PDZRN4: variants seen among roughly 807,000 people sequenced by gnomAD.
The protein encoded by PDZRN4 is PDZ domain containing ring finger 4.
In PDZRN4, 70 loss-of-function variants were observed where a neutral mutation model predicts 99.0. The observed-to-expected ratio is 0.71, with a 90% confidence interval of 0.58 to 0.86. The LOEUF (loss-of-function observed/expected upper bound fraction) is 0.86, where lower values mean the gene tolerates loss of function less well. Among genes scored for constraint, PDZRN4 ranks in the 40% least tolerant of loss-of-function variants. PDZRN4 has a pLI of 0.00. For missense variants in PDZRN4, 1,474 were observed against 1,331.2 expected, an observed-to-expected ratio of 1.11 and a Z score of -1.67; for synonymous variants, 551 against 501.6, an observed-to-expected ratio of 1.10 and a Z score of -1.32.
intron 3 of PDZRN4, among the ~76,000 whole-genome samples, chr12:41,327,905 T>C (rs929236984): frequency 1.3e-5 from 2 of 152,184 alleles, no homozygotes; most frequent in Non-Finnish European, 2.9e-5. Flanking sequence ...CACATACTTA[T>C]GCATTCAAAT....
chr12:41,427,913 C>A (rs1164759436), intron 3 of PDZRN4, among the ~76,000 whole-genome samples: 1 of 152,094 alleles, frequency 6.6e-6, no homozygotes, highest in Non-Finnish European at 1.5e-5. Context: ...CATGGTGAAA[C>A]CCTGTCTCTA....
intron 3 of PDZRN4, among the ~76,000 whole-genome samples, chr12:41,212,877 GC>G (rs1405447195): frequency 6.6e-6 from 1 of 151,984 alleles, no homozygotes; most frequent in Non-Finnish European, 1.5e-5. Context: ...ATGAGTATGT[GC>G]GGAAGCTCTG....
chr12:41,539,168 A>C (rs1286403665), intron 5 of PDZRN4, among the ~76,000 whole-genome samples: 1 of 151,900 alleles, frequency 6.6e-6, no homozygotes, highest in Non-Finnish European at 1.5e-5. Flanking sequence ...CCTCCTCCAG[A>C]ATGGACATAT....
chr12:41,430,252 G>A (rs1484919569), intron 3 of PDZRN4, among the ~76,000 whole-genome samples: 1 of 152,080 alleles, frequency 6.6e-6, no homozygotes, highest in Non-Finnish European at 1.5e-5. Context: ...GGTGGATCAC[G>A]AGGTCAAGAG....
intron 3 of PDZRN4, among the ~76,000 whole-genome samples, chr12:41,400,712 C>G (rs1299821024): frequency 1.3e-5 from 2 of 152,128 alleles, no homozygotes; most frequent in Admixed American, 6.5e-5. Flanking sequence ...AGAATCTAAA[C>G]TAGCCCTCAA....
intron 3 of PDZRN4, among the ~76,000 whole-genome samples, chr12:41,261,634 C>T (rs957417998): frequency 3.3e-5 from 5 of 152,088 alleles, no homozygotes; most frequent in African/African-American, 1.2e-4. Context: ...GGACTACAGG[C>T]GTGCACCACC....
intron 5 of PDZRN4, among the ~76,000 whole-genome samples, chr12:41,512,548 T>A (rs1048483022): frequency 6.6e-6 from 1 of 150,466 alleles, no homozygotes; most frequent in African/African-American, 2.4e-5. Context: ...AGTGAGAGAG[T>A]GGAAGGGGTG....
chr12:41,501,018 G>T (rs142555800), intron 3 of PDZRN4, among the ~76,000 whole-genome samples: 13 of 152,226 alleles, frequency 8.5e-5, no homozygotes, highest in Admixed American at 2.6e-4. Flanking sequence ...AGATCTTGTA[G>T]ACTAACCAGG....
intron 3 of PDZRN4, among the ~76,000 whole-genome samples, chr12:41,355,262 C>G (rs1951918839): frequency 6.6e-6 from 1 of 152,044 alleles, no homozygotes; most frequent in African/African-American, 2.4e-5. Flanking sequence ...ACAGTTGCTA[C>G]TTTCCTTAAA....
chr12:41,458,693 C>T (rs1212135486), intron 3 of PDZRN4, among the ~76,000 whole-genome samples: 1 of 151,978 alleles, frequency 6.6e-6, no homozygotes, highest in Non-Finnish European at 1.5e-5. Flanking sequence ...CCACAGTGGC[C>T]CTGGAGGCTC....
chr12:41,539,532 T>G (rs1938811604), intron 5 of PDZRN4, among the ~76,000 whole-genome samples: 1 of 152,128 alleles, frequency 6.6e-6, no homozygotes, highest in South Asian at 2.1e-4. Flanking sequence ...CCTGTTATGA[T>G]GACCACAGGA....
At chr12:41,545,459 T>C (rs1465636245) in intron 5 of PDZRN4, among the ~76,000 whole-genome samples, 1 of 151,866 alleles carries the variant, frequency 6.6e-6, no homozygotes, top group Non-Finnish European at 1.5e-5. Flanking sequence ...TAGAACTGAC[T>C]ACCATGTCCA....
chr12:41,236,185 A>G (rs1951065423), intron 3 of PDZRN4, among the ~76,000 whole-genome samples: 1 of 152,326 alleles, frequency 6.6e-6, no homozygotes, highest in South Asian at 2.1e-4. Flanking sequence ...GTAAATGTAC[A>G]AATGTCATGA....
intron 3 of PDZRN4, among the ~76,000 whole-genome samples, chr12:41,284,583 C>T (rs1951410474): frequency 6.6e-6 from 1 of 152,174 alleles, no homozygotes. Flanking sequence ...AAGCTGGAGG[C>T]ATCACGCAAC....
intron 3 of PDZRN4, among the ~76,000 whole-genome samples, chr12:41,270,581 T>C (rs1470672309): frequency 1.3e-5 from 2 of 152,224 alleles, no homozygotes; most frequent in East Asian, 3.9e-4. Flanking sequence ...AGATACAAAA[T>C]TGGAATCTTT....
At chr12:41,315,428 C>T (rs564724723) in intron 3 of PDZRN4, among the ~76,000 whole-genome samples, 2 of 151,974 alleles carry the variant, frequency 1.3e-5, no homozygotes, top group Admixed American at 1.3e-4. Flanking sequence ...AATGAAGATG[C>T]ATATGAAAGG....
At chr12:41,253,349 G>A (rs1370225747) in intron 3 of PDZRN4, among the ~76,000 whole-genome samples, 1 of 152,160 alleles carries the variant, frequency 6.6e-6, no homozygotes, top group African/African-American at 2.4e-5. Flanking sequence ...TTTTATGAAT[G>A]GTAAGAGACA....
At chr12:41,265,417 T>C (rs574097156) in intron 3 of PDZRN4, among the ~76,000 whole-genome samples, 41 of 152,340 alleles carry the variant, frequency 2.7e-4, no homozygotes, top group African/African-American at 9.9e-4. Flanking sequence ...AGAATTAATA[T>C]GTTGTGGATA....
chr12:41,459,003 AG>A (rs776615379), intron 3 of PDZRN4, among the ~76,000 whole-genome samples: 80,012 of 151,698 alleles, frequency 0.53, 21,893 homozygotes, highest in African/African-American at 0.69. Flanking sequence ...ATGAGGAATT[AG>A]GTTTGAGATC....
Sources: allele counts gnomAD v4.1 joint callset (sites outside exome capture counted in the v4.1 genomes callset), GRCh38; gene constraint gnomAD v4.1.1; transcripts MANE v1.5; gene names NCBI Gene and HGNC (gene_info 2026-07-23, HGNC 2026-07-21).